DLG2: variants seen among roughly 807,000 people sequenced by gnomAD.
DLG2 encodes disks large homolog 2.
In DLG2, 45 loss-of-function variants were observed where a neutral mutation model predicts 132.5. The ratio of observed to expected loss-of-function variants is 0.34; its 90% CI spans 0.27 to 0.44. The LOEUF (loss-of-function observed/expected upper bound fraction) is 0.44. Among genes scored for constraint, DLG2 ranks in the 20% least tolerant of loss-of-function variants. The pLI is 1.00. For missense variants in DLG2, 1,045 were observed against 1,196.9 expected (o/e 0.87, Z 1.87); for synonymous variants, 424 against 419.6 (o/e 1.01, Z -0.13).
intron 6 of DLG2, among the ~76,000 whole-genome samples, chr11:84,832,540 A>G (rs1168928175): frequency 9.2e-5 from 14 of 151,730 alleles, no homozygotes; most frequent in African/African-American, 3.4e-4. Flanking sequence ...TGATTTCAGC[A>G]AAGGAAGGCA....
At chr11:83,929,355 T>C (rs1180912760) in intron 15 of DLG2, among the ~76,000 whole-genome samples, 2 of 152,208 alleles carry the variant, frequency 1.3e-5, no homozygotes, top group Admixed American at 6.5e-5. Context: ...AAAATAACTA[T>C]ATAGACACCC....
chr11:84,958,831 A>C (rs2052091381), intron 6 of DLG2, among the ~76,000 whole-genome samples: 1 of 152,168 alleles, frequency 6.6e-6, no homozygotes, highest in African/African-American at 2.4e-5. Flanking sequence ...CCAGCTACAA[A>C]CCCTGACAAT....
At chr11:85,564,521 C>T (rs1335196690) in intron 3 of DLG2, among the ~76,000 whole-genome samples, 10 of 151,916 alleles carry the variant, frequency 6.6e-5, no homozygotes, top group African/African-American at 2.4e-4. Context: ...GACTACCATC[C>T]TCCCCATTAA....
intron 6 of DLG2, among the ~76,000 whole-genome samples, chr11:84,734,135 C>G (rs1314498426): frequency 6.6e-6 from 1 of 152,014 alleles, no homozygotes; most frequent in African/African-American, 2.4e-5. Flanking sequence ...TTTTTTGGTT[C>G]CATATGAACT....
intron 6 of DLG2, among the ~76,000 whole-genome samples, chr11:84,796,808 T>C (rs2074679812): frequency 6.6e-6 from 1 of 151,634 alleles, no homozygotes; most frequent in South Asian, 2.1e-4. Flanking sequence ...TTTTCTTTTG[T>C]TGTTTTTATG....
At chr11:84,482,290 T>C (rs2099139827) in intron 7 of DLG2, among the ~76,000 whole-genome samples, 1 of 152,202 alleles carries the variant, frequency 6.6e-6, no homozygotes, top group African/African-American at 2.4e-5. Context: ...TGGTTCTTTA[T>C]TTCTATAATA....
At chr11:84,071,679 G>A (rs2096759518) in intron 10 of DLG2, among the ~76,000 whole-genome samples, 1 of 152,100 alleles carries the variant, frequency 6.6e-6, no homozygotes, top group African/African-American at 2.4e-5. Context: ...TTGCCAGAAT[G>A]GTGTTATTGA....
chr11:84,000,688 AG>A (rs1189557945), intron 11 of DLG2, among the ~76,000 whole-genome samples: 1 of 152,142 alleles, frequency 6.6e-6, no homozygotes, highest in Non-Finnish European at 1.5e-5. Context: ...CATACCGGGC[AG>A]GAGGAAATGC....
chr11:84,599,910 T>C (rs932567504), intron 6 of DLG2, among the ~76,000 whole-genome samples: 3 of 151,228 alleles, frequency 2.0e-5, no homozygotes, highest in African/African-American at 2.4e-5. Flanking sequence ...TGCACACTTG[T>C]AGTCCCAGCT....
intron 11 of DLG2, among the ~76,000 whole-genome samples, chr11:84,036,551 C>T (rs1290204347): frequency 6.6e-6 from 1 of 152,122 alleles, no homozygotes; most frequent in Non-Finnish European, 1.5e-5. Flanking sequence ...CTTTCACAAT[C>T]AACTATTACA....
At chr11:85,314,390 G>A (rs2080509173) in intron 3 of DLG2, among the ~76,000 whole-genome samples, 1 of 151,764 alleles carries the variant, frequency 6.6e-6, no homozygotes, top group East Asian at 1.9e-4. Flanking sequence ...GCTAGGAAAA[G>A]ATTCAAAAAT....
chr11:85,602,011 C>T (rs1591200201), intron 2 of DLG2, among the ~76,000 whole-genome samples: 2 of 152,148 alleles, frequency 1.3e-5, no homozygotes, highest in African/African-American at 4.8e-5. Flanking sequence ...ATTCCAGACT[C>T]ATATCCAGCT....
intron 3 of DLG2, among the ~76,000 whole-genome samples, chr11:85,474,167 C>A (rs562842124): frequency 6.6e-6 from 1 of 151,832 alleles, no homozygotes; most frequent in East Asian, 1.9e-4. Context: ...TTGTTAACAA[C>A]CAAAATAGAC....
At chr11:84,446,062 A>AT (rs950508028) in intron 7 of DLG2, among the ~76,000 whole-genome samples, 12 of 150,242 alleles carry the variant, frequency 8.0e-5, no homozygotes, top group African/African-American at 2.7e-4. Flanking sequence ...TAGAGCTCAT[A>AT]TTTTTTTCTC....
intron 6 of DLG2, among the ~76,000 whole-genome samples, chr11:84,674,931 T>G (rs180961315): frequency 1.3e-5 from 2 of 152,142 alleles, no homozygotes; most frequent in Non-Finnish European, 2.9e-5. Flanking sequence ...CACAAGACAG[T>G]TGAAATTAAT....
intron 6 of DLG2, among the ~76,000 whole-genome samples, chr11:84,829,805 G>T (rs887923779): frequency 6.6e-6 from 1 of 151,532 alleles, no homozygotes; most frequent in Admixed American, 6.6e-5. Context: ...TATTATTTAT[G>T]GAAAAAGTGA....
At chr11:85,222,624 A>G (rs1325853782) in intron 4 of DLG2, among the ~76,000 whole-genome samples, 1 of 152,228 alleles carries the variant, frequency 6.6e-6, no homozygotes, top group East Asian at 1.9e-4. Flanking sequence ...CACAGATTGT[A>G]AAGACTGATT....
rs536410435 is a variant in DLG2, at chr11:84,903,060, C to T, written c.357+208601G>A. ...TCATCATTTCCTCTCTGATTCCATA[C>T]CCAGGCCATCTTCCAACTCTCCTGT... On this transcript the variant is annotated intron_variant, in intron 6 of 27. Coordinates refer to ENST00000376104, the MANE Select transcript of DLG2 (RefSeq NM_001142699.3). Among the ~76,000 whole-genome samples, 42 of 44,608 alleles carry T rather than the reference C, an allele frequency of 9.4e-4. 1 individual carries two copies. The South Asian group carries it at 0.047, about 50-fold the overall frequency. The allele number at this position is 44,608 out of a possible 152,430, so 29.3% of individuals were successfully genotyped here.
intron 3 of DLG2, among the ~76,000 whole-genome samples, chr11:85,553,701 C>A (rs1365593763): frequency 6.6e-6 from 1 of 151,152 alleles, no homozygotes; most frequent in African/African-American, 2.4e-5. Context: ...TAAAAATTAT[C>A]CATATAACAG....
Sources: allele counts gnomAD v4.1 joint callset (sites outside exome capture counted in the v4.1 genomes callset), GRCh38; gene constraint gnomAD v4.1.1; transcripts MANE v1.5; gene names NCBI Gene and HGNC (gene_info 2026-07-23, HGNC 2026-07-21).